The following NCOR1 variants were observed in gnomAD, a reference collection of about 807,000 sequenced individuals.
The protein encoded by NCOR1 is protein phosphatase 1, regulatory subunit 109.
A neutral mutation model predicts 288.1 loss-of-function variants in NCOR1; 63 were observed. The ratio of observed to expected loss-of-function variants is 0.22; its 90% CI spans 0.18 to 0.27. The LOEUF (loss-of-function observed/expected upper bound fraction) is 0.27. Ranked by LOEUF, NCOR1 falls within the 10% of genes least tolerant of loss-of-function variation. NCOR1 has a pLI of 1.00. For synonymous variants in NCOR1, 1,007 were observed against 1,065.9 expected (o/e 0.94, Z 1.08); for missense variants, 2,397 against 3,019.2 (o/e 0.79, Z 4.83).
At chr17:16,044,837 G>T in intron 42 of NCOR1, 1 of 1,042,646 alleles carries the variant, frequency 9.6e-7, no homozygotes. Flanking sequence ...TCCAGCAGCT[G>T]GTGCTGCACC....
intron 41 of NCOR1, among the ~76,000 whole-genome samples, chr17:16,047,985 T>C (rs912693292): frequency 5.3e-5 from 8 of 152,364 alleles, no homozygotes; most frequent in Admixed American, 5.2e-4. Flanking sequence ...CTTCATTTCA[T>C]TGAAAAGTAG....
At chr17:16,147,150 C>T (rs951804240) in intron 9 of NCOR1, among the ~76,000 whole-genome samples, 60 of 152,336 alleles carry the variant, frequency 3.9e-4, no homozygotes, top group Middle Eastern at 6.8e-3. Flanking sequence ...GTGACTCACA[C>T]TTGTAATCCC....
intron 18 of NCOR1, among the ~76,000 whole-genome samples, chr17:16,112,090 C>T (rs1418629230): frequency 1.3e-5 from 2 of 152,016 alleles, no homozygotes; most frequent in African/African-American, 4.8e-5. Flanking sequence ...AGGATGGTCT[C>T]AATCTCCTGA....
intron 4 of NCOR1, among the ~76,000 whole-genome samples, chr17:16,165,972 TA>T (rs2081937173): frequency 6.6e-6 from 1 of 152,178 alleles, no homozygotes; most frequent in Non-Finnish European, 1.5e-5. Flanking sequence ...TACAGAACCC[TA>T]AAATGTATTA....
chr17:16,114,415 T>C (rs1032729447), intron 18 of NCOR1, among the ~76,000 whole-genome samples: 2 of 152,132 alleles, frequency 1.3e-5, no homozygotes, highest in Non-Finnish European at 2.9e-5. Context: ...AAACCAATCA[T>C]GCCTTCCCAA....
chr17:16,029,566 C>G lies in NCOR1; in HGVS notation c.*2730G>C, dbSNP rs1481011596. ...GTATTAGGAAGACCTTAATTTAGTT[C>G]TGGGTGCTAAAAAAATCACGTGTAA... On this transcript the variant is annotated 3_prime_UTR_variant, in exon 46 of 46. Coordinates refer to ENST00000268712, the MANE Select transcript of NCOR1 (RefSeq NM_006311.4). 1 of 202,390 alleles carries G rather than the reference C, an allele frequency of 4.9e-6. No homozygotes were observed. The highest frequency in any genetic ancestry group is 2.4e-5 in the African/African-American group (1 of 42,242). 12.5% of individuals were successfully genotyped at this position (202,390 alleles called of 1,614,324 possible).
chr17:16,061,592 G>A lies in NCOR1; in HGVS notation c.5690C>T (p.Ser1897Leu). 3 of 1,614,218 alleles carry A rather than the reference G, an allele frequency of 1.9e-6. No homozygotes were observed. Among genetic ancestry groups the A allele is most frequent in the Non-Finnish European group, 1.7e-6 (2 of 1,180,052 alleles). ...TTTCCCAGCCTCAGAATAAACTACT[G>A]AAGAATGAGGCTGGGGCTTGCCACT... The part of the protein sequence containing the change: ...FPSGKPQPHS[S>L]VVYSEAGKDK... Residue 1897 changes from serine (S) to leucine (L), a missense_variant, in exon 37 of 46, where the codon TCA becomes TTA. This residue lies in a region of NCOR1 where 1,872 missense variants were observed against 2,187.8 expected (regional missense o/e 0.86). Transcript: ENST00000268712.
chr17:16,204,131 A>G (rs2091208137), intron 1 of NCOR1, among the ~76,000 whole-genome samples: 1 of 152,212 alleles, frequency 6.6e-6, no homozygotes, highest in South Asian at 2.1e-4. Flanking sequence ...ATCAAAATAA[A>G]ATAATACACA....
chr17:16,051,377 T>C (rs1221483689), intron 40 of NCOR1, among the ~76,000 whole-genome samples: 2 of 152,076 alleles, frequency 1.3e-5, no homozygotes, highest in African/African-American at 2.4e-5. Context: ...TACAATTACA[T>C]AGAAATTCAA....
chr17:16,108,625 A>T (rs2069312053), intron 19 of NCOR1, among the ~76,000 whole-genome samples, 161 bp downstream of exon 19: 2 of 152,248 alleles, frequency 1.3e-5, no homozygotes, highest in Non-Finnish European at 2.9e-5. Flanking sequence ...ATATTTGTTG[A>T]TTAAATGAAT....
chr17:16,063,214 T>A (rs1225455739), intron 35 of NCOR1, among the ~76,000 whole-genome samples: 2 of 152,140 alleles, frequency 1.3e-5, no homozygotes, highest in Non-Finnish European at 2.9e-5. Flanking sequence ...AGCATCACAC[T>A]CTGTCACCCA....
intron 6 of NCOR1, among the ~76,000 whole-genome samples, chr17:16,156,097 T>C (rs2079726746): frequency 6.6e-6 from 1 of 151,872 alleles, no homozygotes; most frequent in Non-Finnish European, 1.5e-5. Context: ...GTTCAAGACC[T>C]GGGCAACATA....
At chr17:16,193,542 T>A (rs1164129019) in intron 2 of NCOR1, among the ~76,000 whole-genome samples, 3 of 151,984 alleles carry the variant, frequency 2.0e-5, no homozygotes, top group African/African-American at 4.8e-5. Context: ...CTGATTTTTT[T>A]AAAAAACCAG....
At chr17:16,076,751 G>A (rs998163066) in intron 26 of NCOR1, among the ~76,000 whole-genome samples, 1 of 152,194 alleles carries the variant, frequency 6.6e-6, no homozygotes, top group Non-Finnish European at 1.5e-5. Context: ...GGACTGAGAA[G>A]CAGCTCCAAA....
In NCOR1 at chr17:16,137,917, T is replaced by C. The variant is rs552246639; in HGVS notation, c.1407+241A>G. On this transcript the variant is annotated intron_variant, in intron 13 of 45. Coordinates refer to ENST00000268712, the MANE Select transcript of NCOR1 (RefSeq NM_006311.4). ...GAAATTTAATGAGGCTCCAAAAGCA[T>C]TGTAATCTATGTGTTTTAGGGAAAT... is the stretch of plus-strand genomic sequence containing the variant. 202 of 417,498 alleles carry C rather than the reference T, an allele frequency of 4.8e-4. 3 individuals are homozygous for C. The South Asian group carries it at 0.01, about 21-fold the overall frequency. The allele number at this position is 417,498 out of a possible 1,614,324, so 25.9% of individuals were successfully genotyped here. A position where few individuals can be genotyped will look rare whatever the true frequency, so the allele number is the denominator to read the frequency against.
intron 1 of NCOR1, among the ~76,000 whole-genome samples, chr17:16,204,873 T>C (rs1442121959): frequency 1.3e-5 from 2 of 152,234 alleles, no homozygotes; most frequent in Non-Finnish European, 2.9e-5. Context: ...TGGATATATC[T>C]GACTACATAA....
Position 16,038,560 on chromosome 17 carries a change from C to T in NCOR1, c.6955+873G>A, listed in dbSNP as rs936558092. 2.0e-5 allele frequency among the ~76,000 whole-genome samples: 3 copies of T among 152,110 alleles called. No individual in the cohort carries two copies. In the South Asian group the frequency reaches 6.2e-4, roughly 32 times the overall value. On this transcript the variant is annotated intron_variant, in intron 44 of 45. Transcript: ENST00000268712. ...CAAGTGATCTTCCCACCTCGGCCCC[C>T]ACAAGTAACTGGGACTACAGCGTGA...
chr17:16,118,514 T>TA (rs779175193), intron 17 of NCOR1, among the ~76,000 whole-genome samples: 29 of 152,138 alleles, frequency 1.9e-4, no homozygotes, highest in Non-Finnish European at 4.0e-4. Flanking sequence ...CTAGCCAATT[T>TA]AAAAAAATCC....
intron 18 of NCOR1, among the ~76,000 whole-genome samples, chr17:16,117,160 A>G (rs533557604): frequency 3.9e-5 from 6 of 152,316 alleles, no homozygotes; most frequent in Admixed American, 2.0e-4. Context: ...CTCTGAAAAA[A>G]TGTCTAATAT....
Sources: gnomAD v4.1 joint callset for allele counts (sites outside exome capture counted in the v4.1 genomes callset) on GRCh38, gnomAD v4.1.1 for gene constraint, gnomAD v4.1.1 regional missense constraint, MANE v1.5 for transcripts, NCBI Gene and HGNC (gene_info 2026-07-23, HGNC 2026-07-21) for gene names.